The following MARK4 variants were observed in gnomAD, a reference collection of about 807,000 sequenced individuals.
The protein encoded by MARK4 is microtubule affinity regulating kinase 4.
In MARK4, 19 loss-of-function variants were observed where a neutral mutation model predicts 81.5. The ratio of observed to expected loss-of-function variants is 0.23; its 90% CI spans 0.16 to 0.34. The LOEUF is 0.34. Among genes scored for constraint, MARK4 ranks in the 10% least tolerant of loss-of-function variants. MARK4 has a pLI of 1.00. For synonymous variants in MARK4, 436 were observed against 439.0 expected, an observed-to-expected ratio of 0.99 and a Z score of 0.08; for missense variants, 772 against 1,058.8, an observed-to-expected ratio of 0.73 and a Z score of 3.76.
chr19:45,256,449 A>C (rs1015179374), intron 1 of MARK4, among the ~76,000 whole-genome samples: 1 of 152,188 alleles, frequency 6.6e-6, no homozygotes, highest in African/African-American at 2.4e-5. Context: ...AAAAGAAAAA[A>C]AATAAGACTT....
At chr19:45,261,360 G>A (rs927175806) in intron 2 of MARK4, among the ~76,000 whole-genome samples, 6 of 152,298 alleles carry the variant, frequency 3.9e-5, no homozygotes, top group Middle Eastern at 3.4e-3. Context: ...GTGTGATGAC[G>A]AAACTGGCTT....
chr19:45,284,050 C>T (rs1031217429), intron 12 of MARK4, among the ~76,000 whole-genome samples: 5 of 152,098 alleles, frequency 3.3e-5, no homozygotes, highest in East Asian at 3.9e-4. Context: ...CAGAGTCTCA[C>T]TCTGTCGCCC....
chr19:45,251,509 G>T lies in MARK4; in HGVS notation c.-80G>T, dbSNP rs941669307. On this transcript the variant is annotated 5_prime_UTR_variant, in exon 1 of 17. Coordinates refer to ENST00000262891, the MANE Select transcript of MARK4 (RefSeq NM_001199867.2). ...TTGAGCTCGCGTCCCCAGGCCGGCG[G>T]GGGGGGAGGGGAAGAGAGGGGACCC... The T allele has an allele frequency of 2.4e-5, 20 of 819,682 alleles. No individual in the cohort carries two copies. Among genetic ancestry groups the T allele is most frequent in the Non-Finnish European group, 3.0e-5 (17 of 565,914 alleles). The allele number at this position is 819,682 out of a possible 1,614,324, so 50.8% of individuals were successfully genotyped here. A position where few individuals can be genotyped will look rare whatever the true frequency, so the allele number is the denominator to read the frequency against.
At chr19:45,293,340 G>A (rs1267256215) in intron 13 of MARK4, among the ~76,000 whole-genome samples, 1 of 152,106 alleles carries the variant, frequency 6.6e-6, no homozygotes, top group Non-Finnish European at 1.5e-5. Flanking sequence ...CAGCAAACAT[G>A]AATCACCAGT....
rs1271336520 is a variant in MARK4 at position 45,302,348 on chromosome 19, T to A, written c.1923-26T>A. On this transcript the variant is annotated intron_variant, in intron 16 of 16. Coordinates refer to ENST00000262891, the MANE Select transcript of MARK4 (RefSeq NM_001199867.2). The surrounding 1 kb of genome is among the most constrained non-coding windows in gnomAD (Gnocchi z 4.9). ...CCACATTCCTCTTCGCTCCCATCTCTGACCCCTGACATCTTCTCGCCTCAG... is the reference window on the plus strand; with the variant it reads ...CCACATTCCTCTTCGCTCCCATCTCAGACCCCTGACATCTTCTCGCCTCAG... The A allele has an allele frequency of 1.9e-6, 3 of 1,613,894 alleles. No homozygotes were observed. In the African/African-American group the frequency reaches 4.0e-5, roughly 22 times the overall value.
chr19:45,263,404 T>C, intron 4 of MARK4, 37 bp downstream of exon 4: 1 of 1,613,444 alleles, frequency 6.2e-7, no homozygotes, highest in Non-Finnish European at 8.5e-7. Context: ...GGCCACCAAC[T>C]GGAACACTTG....
chr19:45,259,077 C>T lies in MARK4; in HGVS notation c.140C>T (p.Ala47Val). 1.2e-6 allele frequency: 2 copies of T among 1,614,108 alleles called. No individual in the cohort carries two copies. The highest frequency in any genetic ancestry group is 1.7e-6 in the Non-Finnish European group (2 of 1,180,032). Reference sequence around the variant, plus strand: ...GGTGCCCGTTGCCGGAACTCCATCGCCTCCTGTCCCGAGGAGCAGCCCCAC... The same window carrying T: ...GGTGCCCGTTGCCGGAACTCCATCGTCTCCTGTCCCGAGGAGCAGCCCCAC... ...SLGARCRNSI[A>V]SCPEEQPHVG... Residue 47 changes from alanine (A) to valine (V), a missense_variant, in exon 2 of 17, where the codon GCC (alanine) becomes GTC (valine). By Grantham distance (64) the Ala-to-Val change is moderately conservative (BLOSUM62 0). Around this residue, in one of 3 missense-constraint regions of MARK4, gnomAD observed 115 missense variants for 139.8 expected, o/e 0.82. Coordinates refer to ENST00000262891, the MANE Select transcript of MARK4 (RefSeq NM_001199867.2).
Position 45,303,603 on chromosome 19 carries a change from C to T in MARK4, c.*893C>T, listed in dbSNP as rs1971009737. 6.6e-6 allele frequency: 1 copy of T among 152,206 alleles called. No homozygotes were observed. Among genetic ancestry groups the T allele is most frequent in the Non-Finnish European group, 1.5e-5 (1 of 68,060 alleles). 9.4% of individuals were successfully genotyped at this position (152,206 alleles called of 1,614,324 possible). ...GGCCCCCCATTCATCCACTCACACT[C>T]CCAGCCACCATGTTACACTGGACTC... On this transcript the variant is annotated 3_prime_UTR_variant, in exon 17 of 17. Coordinates refer to ENST00000262891, the MANE Select transcript of MARK4 (RefSeq NM_001199867.2).
chr19:45,268,863 T>G (rs1970489299), intron 7 of MARK4, among the ~76,000 whole-genome samples: 1 of 152,190 alleles, frequency 6.6e-6, no homozygotes, highest in Non-Finnish European at 1.5e-5. Flanking sequence ...CTCTCTTCAC[T>G]TCCTTCCACT....
At chr19:45,279,193 C>T (rs1251745973) in intron 10 of MARK4, among the ~76,000 whole-genome samples, 1 of 152,060 alleles carries the variant, frequency 6.6e-6, no homozygotes, top group African/African-American at 2.4e-5. Context: ...CCACTGCACT[C>T]CAGGCGACAG....
chr19:45,253,870 AC>A (rs1378437446), intron 1 of MARK4, among the ~76,000 whole-genome samples: 2 of 152,122 alleles, frequency 1.3e-5, no homozygotes, highest in East Asian at 3.9e-4. Flanking sequence ...AAGTAACCTT[AC>A]CTCTCTGAGC....
intron 7 of MARK4, among the ~76,000 whole-genome samples, chr19:45,267,083 G>A (rs187953282): frequency 7.2e-4 from 109 of 151,380 alleles, no homozygotes; most frequent in Admixed American, 3.4e-3. Context: ...TTTTGACATG[G>A]AGTTTCACAC....
chr19:45,281,172 G>T (rs1021903814), intron 12 of MARK4, among the ~76,000 whole-genome samples: 4 of 150,978 alleles, frequency 2.6e-5, no homozygotes, highest in African/African-American at 9.8e-5. Flanking sequence ...TCTGCCTTAG[G>T]CTCCCGAGTA....
Position 45,261,067 on chromosome 19 carries a change from T to C in MARK4, c.252+1878T>C, listed in dbSNP as rs535690920. ...TTGGAATGAATTATCCTGCCTTGGA[T>C]GGACTCTCCCCTGCCCTCACGCTGT... On this transcript the variant is annotated intron_variant, in intron 2 of 16. Transcript: ENST00000262891. Among the ~76,000 whole-genome samples, 4 of 152,240 alleles carry C rather than the reference T, an allele frequency of 2.6e-5. No homozygotes were observed. In the East Asian group the frequency reaches 7.7e-4, roughly 29 times the overall value.
Position 45,251,538 on chromosome 19 carries a change from GACC to G in MARK4, c.-50_-48del. 1 of 502,612 alleles carries G rather than the reference GACC, an allele frequency of 2.0e-6. No individual in the cohort carries two copies. The highest frequency in any genetic ancestry group is 3.4e-6 in the Non-Finnish European group (1 of 293,562). 31.1% of individuals were successfully genotyped at this position (502,612 alleles called of 1,614,324 possible). On this transcript the variant is annotated 5_prime_UTR_variant, in exon 1 of 17. Transcript: ENST00000262891. ...GGGAGGGGAAGAGAGGGGACCCTGG[GACC>G]CCCGCCCCCCCCACCCGGCCGCCCC...
intron 12 of MARK4, among the ~76,000 whole-genome samples, chr19:45,281,977 C>T (rs1225162446): frequency 7.2e-5 from 11 of 151,972 alleles, no homozygotes; most frequent in African/African-American, 2.7e-4. Flanking sequence ...TGTCTGTAAT[C>T]CCTTGGGAGG....
intron 1 of MARK4, among the ~76,000 whole-genome samples, chr19:45,258,514 A>G (rs1970338530): frequency 6.6e-6 from 1 of 152,032 alleles, no homozygotes; most frequent in Admixed American, 6.6e-5. Flanking sequence ...AGCTTAGTCA[A>G]CATGGTGAAA....
chr19:45,277,823 T>TGTG, intron 8 of MARK4, 100 bp from the exon 9 acceptor site: 2 of 734,404 alleles, frequency 2.7e-6, no homozygotes, highest in South Asian at 2.3e-5. Context: ...GGGACAAAGG[T>TGTG]TGTGTGTGTG....
At chr19:45,295,375 G>T (rs566192469) in intron 14 of MARK4, among the ~76,000 whole-genome samples, 1 of 151,398 alleles carries the variant, frequency 6.6e-6, no homozygotes, top group Admixed American at 6.6e-5. Context: ...AAAAAGTCAC[G>T]ATTCTGTGAA....
Sources: allele counts gnomAD v4.1 joint callset (sites outside exome capture counted in the v4.1 genomes callset), GRCh38; gene constraint gnomAD v4.1.1; regional missense constraint gnomAD v4.1.1; non-coding constraint Gnocchi (gnomAD v3.1); transcripts MANE v1.5; gene names NCBI Gene and HGNC (gene_info 2026-07-23, HGNC 2026-07-21).